The following PRKCB variants were observed in gnomAD, a reference collection of about 807,000 sequenced individuals.
PRKCB encodes protein kinase C beta type.
A neutral mutation model predicts 81.5 loss-of-function variants in PRKCB; 13 were observed. That is an observed-to-expected ratio of 0.16 (90% CI 0.10 to 0.25). The LOEUF (loss-of-function observed/expected upper bound fraction) is 0.25, where lower values mean the gene tolerates loss of function less well. Among genes scored for constraint, PRKCB ranks in the 10% least tolerant of loss-of-function variants. PRKCB has a pLI of 1.00. For synonymous variants in PRKCB, 335 were observed against 321.4 expected, an observed-to-expected ratio of 1.04 and a Z score of -0.45; for missense variants, 509 against 875.7, an observed-to-expected ratio of 0.58 and a Z score of 5.29.
At position 24,096,664 on chromosome 16, in the gene PRKCB, AAAATATATATATATATAT is replaced by A. The variant is rs1372598827; in HGVS notation, c.821+2369_821+2386del. 5.0e-3 allele frequency among the ~76,000 whole-genome samples: 425 copies of A among 85,410 alleles called. 24 individuals are homozygous for A. The highest frequency in any genetic ancestry group is 0.022 in the Middle Eastern group (3 of 136). 56.0% of individuals were successfully genotyped at this position (85,410 alleles called of 152,430 possible). On this transcript the variant is annotated intron_variant, in intron 7 of 16. Transcript: ENST00000643927. ...TCCCTTCCTATGGCAAAAAAAAAAA[AAAATATATATATATATAT>A]ATATATATATATATATATATATATC...
intron 16 of PRKCB, among the ~76,000 whole-genome samples, chr16:24,201,181 T>C (rs1967951374): frequency 6.6e-6 from 1 of 152,206 alleles, no homozygotes; most frequent in Admixed American, 6.5e-5. Context: ...TGATCCTTCA[T>C]GCTTATCTCC....
At chr16:23,967,526 G>A (rs1401560696) in intron 2 of PRKCB, among the ~76,000 whole-genome samples, 1 of 152,220 alleles carries the variant, frequency 6.6e-6, no homozygotes, top group Non-Finnish European at 1.5e-5. Context: ...GAGAAAAGAA[G>A]TTTAGGTTGC....
intron 2 of PRKCB, among the ~76,000 whole-genome samples, chr16:23,955,511 A>C (rs1372114409): frequency 1.3e-5 from 2 of 151,948 alleles, no homozygotes; most frequent in Non-Finnish European, 2.9e-5. Flanking sequence ...TCCCCAGCTG[A>C]GTGTTCTGCG....
chr16:23,929,633 A>G (rs563218564), intron 2 of PRKCB, among the ~76,000 whole-genome samples: 1 of 152,266 alleles, frequency 6.6e-6, no homozygotes, highest in Admixed American at 6.5e-5. Context: ...TATTATCTTT[A>G]CAGCTTGTTC....
chr16:24,198,288 G>C (rs1245837040), intron 16 of PRKCB, among the ~76,000 whole-genome samples: 3 of 152,168 alleles, frequency 2.0e-5, no homozygotes, highest in African/African-American at 7.2e-5. Flanking sequence ...TCACGAATTG[G>C]CTTAATGAAG....
chr16:23,942,070 C>A (rs533676697), intron 2 of PRKCB, among the ~76,000 whole-genome samples: 2 of 152,244 alleles, frequency 1.3e-5, no homozygotes, highest in South Asian at 4.1e-4. Flanking sequence ...AACATGTCAA[C>A]CAAAATCAAT....
intron 7 of PRKCB, among the ~76,000 whole-genome samples, chr16:24,109,909 G>C (rs1053323667): frequency 1.2e-4 from 15 of 127,122 alleles, no homozygotes; most frequent in Non-Finnish European, 1.6e-4. Flanking sequence ...GCTGGAGACC[G>C]GCCTGGCCAA....
chr16:23,898,064 CTAA>C (rs1963408857), intron 2 of PRKCB, among the ~76,000 whole-genome samples: 1 of 129,066 alleles, frequency 7.7e-6, no homozygotes, highest in Non-Finnish European at 1.7e-5. Context: ...CCATGCCCGG[CTAA>C]TTTTTTTTTT....
intron 2 of PRKCB, chr16:23,869,106 A>G (rs1296684300): frequency 2.2e-6 from 1 of 453,712 alleles, no homozygotes; most frequent in Non-Finnish European, 4.4e-6. Flanking sequence ...ATACATGTCT[A>G]CTTGCAGAAG....
chr16:23,953,959 C>T (rs1038122640), intron 2 of PRKCB, among the ~76,000 whole-genome samples: 8 of 151,756 alleles, frequency 5.3e-5, no homozygotes, highest in Non-Finnish European at 8.8e-5. Context: ...ACCTCTGCCT[C>T]CCGGGTTCAA....
chr16:24,066,552 T>A (rs1966036827), intron 5 of PRKCB, among the ~76,000 whole-genome samples: 1 of 152,210 alleles, frequency 6.6e-6, no homozygotes, highest in Admixed American at 6.5e-5. Flanking sequence ...CCATGACACA[T>A]CCGTCAAAAT....
At chr16:23,851,526 A>G (rs570467386) in intron 2 of PRKCB, among the ~76,000 whole-genome samples, 7 of 152,262 alleles carry the variant, frequency 4.6e-5, no homozygotes, top group African/African-American at 1.4e-4. Context: ...TGATTCCTCC[A>G]GCTTTGTTCT....
chr16:23,913,348 A>G (rs1173203243), intron 2 of PRKCB, among the ~76,000 whole-genome samples: 1 of 152,118 alleles, frequency 6.6e-6, no homozygotes, highest in African/African-American at 2.4e-5. Context: ...TCAAAAAAAA[A>G]AAATCTGACT....
chr16:24,057,047 G>T (rs1464034703), intron 5 of PRKCB, among the ~76,000 whole-genome samples: 1 of 152,100 alleles, frequency 6.6e-6, no homozygotes, highest in East Asian at 1.9e-4. Flanking sequence ...GGTTGTGGTG[G>T]GTGTCTATGA....
At chr16:24,037,446 G>T (rs912949029) in intron 5 of PRKCB, among the ~76,000 whole-genome samples, 2 of 152,180 alleles carry the variant, frequency 1.3e-5, no homozygotes, top group Non-Finnish European at 1.5e-5. Context: ...GGCAGTATCT[G>T]ATTTACATTG....
intron 3 of PRKCB, among the ~76,000 whole-genome samples, chr16:24,006,159 C>T (rs150869059): frequency 6.6e-6 from 1 of 152,332 alleles, no homozygotes; most frequent in African/African-American, 2.4e-5. Context: ...GTTCACATAA[C>T]ACTGCAGTCC....
At chr16:24,180,550 T>G (rs1293820052) in intron 12 of PRKCB, among the ~76,000 whole-genome samples, 1 of 152,192 alleles carries the variant, frequency 6.6e-6, no homozygotes, top group Non-Finnish European at 1.5e-5. Flanking sequence ...GCTGTCTCTT[T>G]GTGTCCTTGT....
At chr16:24,074,347 T>TA (rs951593559) in intron 5 of PRKCB, among the ~76,000 whole-genome samples, 3 of 152,252 alleles carry the variant, frequency 2.0e-5, no homozygotes, top group African/African-American at 7.2e-5. Context: ...GCTCTACTGT[T>TA]ATCAGCTCTC....
At chr16:24,113,284 C>CTT (rs531483605) in intron 8 of PRKCB, among the ~76,000 whole-genome samples, 13 of 146,698 alleles carry the variant, frequency 8.9e-5, no homozygotes, top group Admixed American at 3.4e-4. Flanking sequence ...CTCTTGCTTT[C>CTT]TCTTGCTTGC....
Sources: gnomAD v4.1 joint callset for allele counts (sites outside exome capture counted in the v4.1 genomes callset) on GRCh38, gnomAD v4.1.1 for gene constraint, MANE v1.5 for transcripts, NCBI Gene and HGNC (gene_info 2026-07-23, HGNC 2026-07-21) for gene names.